The following SOX6 variants were observed in gnomAD, a reference collection of about 807,000 sequenced individuals.
SOX6 encodes the protein transcription factor SOX-6.
A neutral mutation model predicts 97.8 loss-of-function variants in SOX6; 11 were observed. The ratio of observed to expected loss-of-function variants is 0.11; its 90% CI spans 0.07 to 0.19. The LOEUF (loss-of-function observed/expected upper bound fraction) is 0.19, where lower values mean the gene tolerates loss of function less well. Among genes scored for constraint, SOX6 ranks in the 10% least tolerant of loss-of-function variants. SOX6 has a pLI of 1.00. For missense variants in SOX6, 810 were observed against 1,039.5 expected, an observed-to-expected ratio of 0.78 and a Z score of 3.04; for synonymous variants, 360 against 371.4, an observed-to-expected ratio of 0.97 and a Z score of 0.35.
intron 9 of SOX6, 146 bp downstream of exon 9, chr11:16,095,850 C>T: frequency 1.1e-6 from 1 of 920,552 alleles, no homozygotes; most frequent in East Asian, 2.6e-5. Context: ...AAAAGAAGAG[C>T]CTCCTTAGGA....
chr11:16,087,219 G>A (rs1848597467), intron 9 of SOX6, among the ~76,000 whole-genome samples: 1 of 152,080 alleles, frequency 6.6e-6, no homozygotes, highest in Non-Finnish European at 1.5e-5. Context: ...AAATAGGTAT[G>A]TGTTTATACA....
intron 4 of SOX6, among the ~76,000 whole-genome samples, chr11:16,534,447 GAAAT>G (rs920603603): frequency 2.0e-5 from 3 of 152,004 alleles, no homozygotes; most frequent in Non-Finnish European, 2.9e-5. Flanking sequence ...AAATGAACTT[GAAAT>G]AAAGGGCTTC....
intron 9 of SOX6, among the ~76,000 whole-genome samples, chr11:16,078,372 G>A (rs1311067415): frequency 6.6e-6 from 1 of 152,124 alleles, no homozygotes; most frequent in African/African-American, 2.4e-5. Context: ...TGAAATCTAA[G>A]TATTATTTCC....
intron 15 of SOX6, among the ~76,000 whole-genome samples, chr11:15,981,474 T>C (rs1195034320): frequency 6.9e-6 from 1 of 145,748 alleles, no homozygotes; most frequent in Non-Finnish European, 1.6e-5. Flanking sequence ...TGCTGACCCT[T>C]CAGACCCTTC....
intron 3 of SOX6, among the ~76,000 whole-genome samples, chr11:16,282,011 A>ACC: frequency 6.7e-6 from 1 of 149,192 alleles, no homozygotes; most frequent in Non-Finnish European, 1.5e-5. Context: ...ATATATACAC[A>ACC]CACACCCTTT....
At chr11:16,527,662 G>A (rs569118873) in intron 4 of SOX6, among the ~76,000 whole-genome samples, 28 of 152,216 alleles carry the variant, frequency 1.8e-4, no homozygotes, top group East Asian at 5.8e-4. Context: ...ATATCTGTAC[G>A]AAAACTATTA....
At chr11:16,380,599 A>G (rs1001146973) in intron 1 of SOX6, among the ~76,000 whole-genome samples, 1 of 152,114 alleles carries the variant, frequency 6.6e-6, no homozygotes, top group Non-Finnish European at 1.5e-5. Context: ...AACAGGCACA[A>G]ATAAGTATGA....
intron 4 of SOX6, among the ~76,000 whole-genome samples, chr11:16,567,561 CTTTTTTT>C (rs59320140): frequency 2.3e-5 from 2 of 87,352 alleles, no homozygotes; most frequent in Admixed American, 1.6e-4. Context: ...ATATTTTTTT[CTTTTTTT>C]TTTTTTTTTT....
rs527456860 is a variant in SOX6, at chr11:16,201,935, C to CA, written c.536-14981dup. 2.6e-3 allele frequency among the ~76,000 whole-genome samples: 395 copies of CA among 151,936 alleles called. 9 individuals are homozygous for CA. Among genetic ancestry groups the CA allele is most frequent in the Non-Finnish European group, 4.4e-3 (298 of 67,958 alleles). On this transcript the variant is annotated intron_variant, in intron 4 of 15. Coordinates refer to ENST00000683767, the MANE Select transcript of SOX6 (RefSeq NM_001367873.1). ...GGCGTGAGCCACCGCGCCCGGCCTGCAAAGTATTTTTAAGAGAGATTTTTA... is the reference window on the plus strand; with the variant it reads ...GGCGTGAGCCACCGCGCCCGGCCTGCAAAAGTATTTTTAAGAGAGATTTTTA...
intron 1 of SOX6, among the ~76,000 whole-genome samples, chr11:16,424,807 CA>C (rs1859092137): frequency 1.3e-5 from 2 of 152,178 alleles, no homozygotes; most frequent in Admixed American, 1.3e-4. Context: ...GTGTGTCCCA[CA>C]AGCCATATGG....
intron 12 of SOX6, among the ~76,000 whole-genome samples, chr11:16,016,008 C>T (rs1285928046): frequency 2.6e-5 from 4 of 151,988 alleles, no homozygotes; most frequent in Admixed American, 2.0e-4. Context: ...ATACTTAATG[C>T]ATTATGCAGC....
At chr11:16,069,565 G>A (rs1335033742) in intron 9 of SOX6, among the ~76,000 whole-genome samples, 1 of 152,100 alleles carries the variant, frequency 6.6e-6, no homozygotes, top group Admixed American at 6.5e-5. Flanking sequence ...TTTAATATTT[G>A]TTTTAAAATG....
chr11:16,402,406 G>A (rs973551998), intron 1 of SOX6, among the ~76,000 whole-genome samples: 3 of 151,524 alleles, frequency 2.0e-5, no homozygotes, highest in East Asian at 1.9e-4. Context: ...CACCAATAAC[G>A]TGAGAAAGCT....
intron 4 of SOX6, among the ~76,000 whole-genome samples, chr11:16,579,976 G>A (rs1848017837): frequency 1.3e-5 from 2 of 152,004 alleles, no homozygotes; most frequent in African/African-American, 4.8e-5. Context: ...TTTAATTTTA[G>A]CCTAAATGCT....
intron 3 of SOX6, among the ~76,000 whole-genome samples, chr11:16,242,296 G>C (rs889201185): frequency 6.6e-6 from 1 of 151,940 alleles, no homozygotes; most frequent in Non-Finnish European, 1.5e-5. Context: ...ACAGTAACAT[G>C]CTGCACAGGT....
At chr11:16,076,691 A>G (rs1342443835) in intron 9 of SOX6, among the ~76,000 whole-genome samples, 1 of 148,768 alleles carries the variant, frequency 6.7e-6, no homozygotes, top group East Asian at 2.1e-4. Context: ...CACATCTTAC[A>G]TGTCTGGAAC....
At chr11:16,390,234 G>C (rs887476501) in intron 1 of SOX6, among the ~76,000 whole-genome samples, 1 of 144,996 alleles carries the variant, frequency 6.9e-6, no homozygotes, top group Admixed American at 6.7e-5. Flanking sequence ...CCCAAAGTCT[G>C]TTGCCTTGAT....
chr11:16,316,294 G>A (rs988533349), intron 3 of SOX6: 8 of 151,398 alleles, frequency 5.3e-5, no homozygotes, highest in African/African-American at 1.2e-4. Flanking sequence ...TCTTTAATCC[G>A]TTATATTCAC....
chr11:16,345,856 G>T (rs923131177), intron 1 of SOX6, among the ~76,000 whole-genome samples: 1 of 151,736 alleles, frequency 6.6e-6, no homozygotes, highest in African/African-American at 2.4e-5. Flanking sequence ...TTTTATTATA[G>T]CTTGAAAAGT....
Sources: gnomAD v4.1 joint callset for allele counts (sites outside exome capture counted in the v4.1 genomes callset) on GRCh38, gnomAD v4.1.1 for gene constraint, MANE v1.5 for transcripts, NCBI Gene and HGNC (gene_info 2026-07-23, HGNC 2026-07-21) for gene names.